Variants in CCDC158 observed in about 807,000 individuals in gnomAD.
CCDC158 encodes the protein coiled-coil domain-containing protein 158.
CCDC158 carries 116 observed loss-of-function variants against 138.6 expected under a neutral mutation model. The ratio of observed to expected loss-of-function variants is 0.84; its 90% confidence interval spans 0.72 to 0.98. The LOEUF is 0.98. CCDC158 is among the 50% of genes least tolerant of loss of function. The pLI, the probability that CCDC158 is intolerant of heterozygous loss-of-function variation, is 0.00. For synonymous variants in CCDC158, 436 were observed against 442.4 expected (o/e 0.99, Z 0.18); for missense variants, 1,265 against 1,306.1 (o/e 0.97, Z 0.48).
At chr4:76,351,171 A>G in intron 17 of CCDC158, 50 bp from the exon 18 acceptor site, 1 of 1,523,594 alleles carries the variant, frequency 6.6e-7, no homozygotes, top group Non-Finnish European at 8.8e-7. Context: ...CTACAATTAT[A>G]AAGAAATGTG....
chr4:76,323,725 A>G (rs1352169632), intron 23 of CCDC158, among the ~76,000 whole-genome samples: 1 of 152,268 alleles, frequency 6.6e-6, no homozygotes, highest in Non-Finnish European at 1.5e-5. Context: ...TGCATTCTGC[A>G]TTATAAATGA....
At chr4:76,379,489 A>G in intron 8 of CCDC158, 85 bp from the exon 9 acceptor site, 1 of 655,760 alleles carries the variant, frequency 1.5e-6, no homozygotes, top group South Asian at 3.0e-5. Flanking sequence ...TTTTGACACT[A>G]CCACTAGTTA....
rs143797574 is a variant in CCDC158 at position 76,363,258 on chromosome 4, A to G, written c.1831-943T>C. Among the ~76,000 whole-genome samples, 680 of 152,284 alleles carry G rather than the reference A, an allele frequency of 4.5e-3. 3 individuals carry two copies. Among genetic ancestry groups the G allele is most frequent in the African/African-American group, 0.015 (619 of 41,542 alleles). ...TTCTCTGGTTAGCAGCACTTGACAG[A>G]TGTTGTCACGGTGTCTTGCTGGGGC... On this transcript the variant is annotated intron_variant, in intron 12 of 24. Coordinates refer to ENST00000682701, the MANE Select transcript of CCDC158 (RefSeq NM_001394954.1).
chr4:76,391,830 A>G (rs974806777), intron 4 of CCDC158, among the ~76,000 whole-genome samples: 4 of 151,972 alleles, frequency 2.6e-5, no homozygotes, highest in Non-Finnish European at 4.4e-5. Context: ...CAAAAAAAGG[A>G]TACATTACAA....
intron 12 of CCDC158, among the ~76,000 whole-genome samples, chr4:76,365,378 T>C (rs1411351786): frequency 6.6e-6 from 1 of 152,160 alleles, no homozygotes; most frequent in Non-Finnish European, 1.5e-5. Flanking sequence ...AAACTCTAAT[T>C]ACCTAGGAAA....
intron 2 of CCDC158, among the ~76,000 whole-genome samples, chr4:76,405,122 T>A (rs543672324): frequency 4.6e-5 from 7 of 152,156 alleles, no homozygotes; most frequent in Non-Finnish European, 8.8e-5. Flanking sequence ...TTAAAGATAA[T>A]GAAAAAATCC....
chr4:76,366,165 A>G (rs533912668), intron 12 of CCDC158, among the ~76,000 whole-genome samples: 1 of 152,228 alleles, frequency 6.6e-6, no homozygotes, highest in Non-Finnish European at 1.5e-5. Flanking sequence ...TCTGCCCTGC[A>G]TCACACCTGT....
intron 6 of CCDC158, 132 bp from the exon 7 acceptor site, chr4:76,383,870 A>C: frequency 1.4e-6 from 1 of 718,350 alleles, no homozygotes; most frequent in Admixed American, 2.6e-5. Context: ...TTCTATCCCC[A>C]TATTTTATTA....
At chr4:76,387,367 G>A (rs1176197432) in intron 4 of CCDC158, among the ~76,000 whole-genome samples, 1 of 152,068 alleles carries the variant, frequency 6.6e-6, no homozygotes, top group Non-Finnish European at 1.5e-5. Flanking sequence ...ACACAGTCCT[G>A]GAATCGTTCA....
chr4:76,367,536 A>G lies in CCDC158; in HGVS notation c.1588T>C (p.Leu530=). 1 of 1,613,938 alleles carries G rather than the reference A, an allele frequency of 6.2e-7. No homozygotes were observed. Residue 530 remains leucine, a synonymous_variant, in exon 12 of 25, where the codon TTG becomes CTG. Transcript: ENST00000682701. ...TTTTTCAAGTGTTGCAGCTCCTGCA[A>G]TTTCAAGTCCACCCGGGAGCGGAGC... ...TKLRSRVDLK[L]QELQHLKNEG...
At position 76,362,301 on chromosome 4, in the gene CCDC158, T is replaced by A. The variant is rs779512977; in HGVS notation, c.1845A>T (p.Lys615Asn). 22 of 1,611,450 alleles carry A rather than the reference T, an allele frequency of 1.4e-5. No individual in the cohort carries two copies. The East Asian group carries it at 4.7e-4, about 34-fold the overall frequency. ...ELKELKILKDKKDAKIRELEA... is the reference protein window; with the variant it reads ...ELKELKILKDNKDAKIRELEA... ...CAAGCTCCCGGATCTTTGCATCTTTTTTATCTTTTAATATCTAAATATATG... is the reference window on the plus strand; with the variant it reads ...CAAGCTCCCGGATCTTTGCATCTTTATTATCTTTTAATATCTAAATATATG... Residue 615 changes from lysine (K) to asparagine (N), a missense_variant, in exon 13 of 25, where the codon AAA becomes AAT. Coordinates refer to ENST00000682701, the MANE Select transcript of CCDC158 (RefSeq NM_001394954.1).
At chr4:76,393,308 G>C (rs1727475213) in intron 4 of CCDC158, among the ~76,000 whole-genome samples, 1 of 151,872 alleles carries the variant, frequency 6.6e-6, no homozygotes, top group Non-Finnish European at 1.5e-5. Flanking sequence ...GAATAGAATA[G>C]AGAACCCAGA....
intron 24 of CCDC158, among the ~76,000 whole-genome samples, chr4:76,319,977 A>C (rs979790796): frequency 2.0e-5 from 3 of 152,218 alleles, no homozygotes; most frequent in Non-Finnish European, 4.4e-5. Context: ...AAGGGCATCC[A>C]AATGGGTGAA....
intron 4 of CCDC158, among the ~76,000 whole-genome samples, chr4:76,390,076 A>G (rs886216884): frequency 1.1e-4 from 16 of 152,264 alleles, no homozygotes; most frequent in African/African-American, 2.9e-4. Flanking sequence ...TAACACTGTA[A>G]TTGTGGTGTG....
chr4:76,318,851 C>T (rs112507043), intron 24 of CCDC158, among the ~76,000 whole-genome samples: 3,598 of 152,294 alleles, frequency 0.024, 132 homozygotes, highest in African/African-American at 0.082. Flanking sequence ...ATGATGATGC[C>T]GGGTGCAGTG....
intron 24 of CCDC158, 61 bp downstream of exon 24, chr4:76,323,241 C>T: frequency 8.0e-7 from 1 of 1,248,352 alleles, no homozygotes; most frequent in Non-Finnish European, 1.2e-6. Context: ...GAGGCTTAAT[C>T]TGAAAAGAAG....
At chr4:76,333,599 C>T (rs1257880595) in intron 19 of CCDC158, among the ~76,000 whole-genome samples, 1 of 152,156 alleles carries the variant, frequency 6.6e-6, no homozygotes, top group Non-Finnish European at 1.5e-5. Context: ...ATATAGTTCT[C>T]AAGGTTCTAG....
intron 1 of CCDC158, among the ~76,000 whole-genome samples, chr4:76,412,585 C>T (rs1729377376): frequency 1.3e-5 from 2 of 152,162 alleles, no homozygotes; most frequent in African/African-American, 4.8e-5. Context: ...AACCCCGTCT[C>T]TACTAAAAAT....
rs1724214999 is a variant in CCDC158 at position 76,362,240 on chromosome 4, T to G, written c.1906A>C (p.Lys636Gln). 6.2e-7 allele frequency: 1 copy of G among 1,614,176 alleles called. No homozygotes were observed. The highest frequency in any genetic ancestry group is 8.5e-7 in the Non-Finnish European group (1 of 1,180,024). Residue 636 changes from lysine (K) to glutamine (Q), a missense_variant, in exon 13 of 25, where the codon AAG (lysine) becomes CAG (glutamine). Physicochemically the swap from Lys to Gln is moderately conservative, Grantham distance 53. Coordinates refer to ENST00000682701, the MANE Select transcript of CCDC158 (RefSeq NM_001394954.1). ...CGCTCAGAGCCTGCATTCACCAGCT[T>G]CACCTTTTCCAGCTCCAAGTCACTC... Reference protein sequence around the residue: ...RVSDLELEKVKLVNAGSERLR... With the variant: ...RVSDLELEKVQLVNAGSERLR...
Sources: allele counts gnomAD v4.1 joint callset (sites outside exome capture counted in the v4.1 genomes callset), GRCh38; gene constraint gnomAD v4.1.1; transcripts MANE v1.5; gene names NCBI Gene and HGNC (gene_info 2026-07-23, HGNC 2026-07-21).